The following MS4A6E variants were observed in gnomAD, a reference collection of about 807,000 sequenced individuals.
The protein encoded by MS4A6E is membrane-spanning 4-domains subfamily A member 6E.
MS4A6E carries 8 observed loss-of-function variants against 13.2 expected under a neutral mutation model. The ratio of observed to expected loss-of-function variants is 0.60; its 90% confidence interval spans 0.35 to 1.09. The LOEUF (loss-of-function observed/expected upper bound fraction) is 1.09, where lower values mean the gene tolerates loss of function less well. MS4A6E is among the 50% of genes least tolerant of loss of function. The pLI, the probability that MS4A6E is intolerant of heterozygous loss-of-function variation, is 0.02. For missense variants in MS4A6E, 177 were observed against 171.1 expected, an observed-to-expected ratio of 1.03 and a Z score of -0.19; for synonymous variants, 72 against 67.6, an observed-to-expected ratio of 1.06 and a Z score of -0.32.
At position 60,334,909 on chromosome 11, in the gene MS4A6E, C is replaced by T; in HGVS notation, c.14C>T (p.Pro5Leu). MTSQ[P>L]ISNETIIMLP... is the part of the protein sequence containing the mutation. ...GGCAACACCATTATGACATCACAAC[C>T]TATTTCCAATGAGACCATCATAATG... Residue 5 changes from proline (P) to leucine (L), a missense_variant, in exon 2 of 5, where the codon CCT (proline) becomes CTT (leucine). Physicochemically the swap from Pro to Leu is moderately conservative, Grantham distance 98. Coordinates refer to ENST00000684409, the MANE Select transcript of MS4A6E (RefSeq NM_139249.4). 1 of 1,614,016 alleles carries T rather than the reference C, an allele frequency of 6.2e-7. No homozygotes were observed. Among genetic ancestry groups the T allele is most frequent in the South Asian group, 1.1e-5 (1 of 91,076 alleles).
chr11:60,339,986 G>C (rs139539940), intron 4 of MS4A6E, 22 bp downstream of exon 4: 1 of 1,610,306 alleles, frequency 6.2e-7, no homozygotes, highest in African/African-American at 1.3e-5. Context: ...GGCCAGCCTC[G>C]CTTAATCTTG....
downstream of MS4A6E, among the ~76,000 whole-genome samples, chr11:60,342,631 C>T (rs1180221509): frequency 2.0e-5 from 3 of 152,142 alleles, no homozygotes; most frequent in Admixed American, 2.0e-4. Flanking sequence ...GATGGGGTCT[C>T]CACCTGGCCG....
chr11:60,341,048 G>A lies in MS4A6E; in HGVS notation c.*282G>A, dbSNP rs2085222144. ...CTGACTTCAGCAAAAGCACAGGGCT[G>A]TAAATTACCATTTACTAGACTAGCC... On this transcript the variant is annotated 3_prime_UTR_variant, in exon 5 of 5. Transcript: ENST00000684409. The A allele has an allele frequency of 6.6e-6, 1 of 152,214 alleles. No individual in the cohort carries two copies. Among genetic ancestry groups the A allele is most frequent in the Non-Finnish European group, 1.5e-5 (1 of 68,024 alleles). The allele number at this position is 152,214 out of a possible 1,614,324, so 9.4% of individuals were successfully genotyped here.
downstream of MS4A6E, among the ~76,000 whole-genome samples, chr11:60,343,506 G>C (rs1207185160): frequency 6.6e-6 from 1 of 152,192 alleles, no homozygotes; most frequent in Non-Finnish European, 1.5e-5. Context: ...TCCCGGAAAG[G>C]TGGTGTAGTA....
chr11:60,333,303 T>C (rs7116069), intron 1 of MS4A6E, among the ~76,000 whole-genome samples: 54,457 of 152,056 alleles, frequency 0.36, 10,279 homozygotes, highest in East Asian at 0.41. Context: ...AGATAATATA[T>C]GCAAAGGGAG....
downstream of MS4A6E, among the ~76,000 whole-genome samples, chr11:60,344,976 C>T (rs1590778670): frequency 6.6e-6 from 1 of 152,060 alleles, no homozygotes; most frequent in African/African-American, 2.4e-5. Context: ...CACTCTGTGG[C>T]CCAGGCTGGT....
At chr11:60,343,477 G>T (rs1419902875), downstream of MS4A6E, among the ~76,000 whole-genome samples, 1 of 152,212 alleles carries the variant, frequency 6.6e-6, no homozygotes, top group Admixed American at 6.5e-5. Context: ...GTTGCAAATA[G>T]TAGAGCGCAT....
chr11:60,335,150 C>G (rs1590774526), intron 2 of MS4A6E, 108 bp downstream of exon 2: 2 of 1,470,396 alleles, frequency 1.4e-6, no homozygotes, highest in Non-Finnish European at 1.8e-6. Flanking sequence ...TTAAGTTTTG[C>G]TGGAGGGACT....
At chr11:60,347,997 G>A (rs1309791979) in intron 4 of MS4A6E, among the ~76,000 whole-genome samples, 1 of 152,150 alleles carries the variant, frequency 6.6e-6, no homozygotes, top group African/African-American at 2.4e-5. Flanking sequence ...CCCTTAGACA[G>A]CGATTCGGGT....
intron 2 of MS4A6E, among the ~76,000 whole-genome samples, chr11:60,336,027 C>T (rs1392834313): frequency 6.6e-6 from 1 of 152,152 alleles, no homozygotes; most frequent in African/African-American, 2.4e-5. Flanking sequence ...TTTGGAAGCT[C>T]TGGCTACAAA....
downstream of MS4A6E, among the ~76,000 whole-genome samples, chr11:60,344,912 T>TTTTTG (rs2085248900): frequency 7.5e-5 from 1 of 13,246 alleles, no homozygotes; most frequent in Non-Finnish European, 2.6e-4. Context: ...GTTTGTTTTG[T>TTTTTG]TTTTTTTGTT....
chr11:60,329,032 T>A (rs948682292), intron 1 of MS4A6E, among the ~76,000 whole-genome samples: 2 of 152,196 alleles, frequency 1.3e-5, no homozygotes, highest in African/African-American at 4.8e-5. Context: ...CTGGGATACA[T>A]GTGCAGAACG....
intron 1 of MS4A6E, among the ~76,000 whole-genome samples, chr11:60,334,396 T>A (rs768276839): frequency 3.3e-5 from 5 of 152,014 alleles, no homozygotes; most frequent in Non-Finnish European, 7.4e-5. Flanking sequence ...CTGGAGGAGG[T>A]TGGGTGTATT....
Position 60,339,975 on chromosome 11 carries a change from T to C in MS4A6E, c.*9+11T>C. 6.2e-7 allele frequency: 1 copy of C among 1,612,588 alleles called. No homozygotes were observed. Among genetic ancestry groups the C allele is most frequent in the Non-Finnish European group, 8.5e-7 (1 of 1,178,870 alleles). ...GTCTGACTTCCCTGGGTGAGTGTGCTGGCCAGCCTCGCTTAATCTTGCCTA... is the reference window on the plus strand; with the variant it reads ...GTCTGACTTCCCTGGGTGAGTGTGCCGGCCAGCCTCGCTTAATCTTGCCTA... On this transcript the variant is annotated intron_variant, in intron 4 of 4. Coordinates refer to ENST00000684409, the MANE Select transcript of MS4A6E (RefSeq NM_139249.4).
chr11:60,329,318 T>C (rs1004411879), intron 1 of MS4A6E, among the ~76,000 whole-genome samples: 1 of 152,236 alleles, frequency 6.6e-6, no homozygotes, highest in Non-Finnish European at 1.5e-5. Context: ...GAAAAGGACA[T>C]GAACTCATTC....
downstream of MS4A6E, among the ~76,000 whole-genome samples, chr11:60,342,160 T>TGC (rs2135065832): frequency 6.6e-5 from 2 of 30,436 alleles, no homozygotes; most frequent in African/African-American, 2.5e-4. Flanking sequence ...TGTGTGTGTG[T>TGC]GTGTGTGTGT....
chr11:60,331,983 C>G (rs965805584), intron 1 of MS4A6E, among the ~76,000 whole-genome samples: 3 of 152,146 alleles, frequency 2.0e-5, no homozygotes, highest in Non-Finnish European at 4.4e-5. Flanking sequence ...ATGTCCTGGC[C>G]TCCAAAATCG....
At chr11:60,329,516 G>A (rs540482931) in intron 1 of MS4A6E, among the ~76,000 whole-genome samples, 6 of 152,298 alleles carry the variant, frequency 3.9e-5, no homozygotes, top group East Asian at 1.9e-4. Flanking sequence ...CCAGTAATGG[G>A]ATTGCTGGGT....
intron 1 of MS4A6E, 108 bp from the exon 2 acceptor site, chr11:60,334,774 C>A: frequency 8.2e-7 from 1 of 1,217,118 alleles, no homozygotes; most frequent in Non-Finnish European, 1.2e-6. Flanking sequence ...CTTTCTCTAA[C>A]ACACAGGCCA....
Sources: allele counts gnomAD v4.1 joint callset (sites outside exome capture counted in the v4.1 genomes callset), GRCh38; gene constraint gnomAD v4.1.1; transcripts MANE v1.5; gene names NCBI Gene and HGNC (gene_info 2026-07-23, HGNC 2026-07-21).